LRRK1: variants seen among roughly 807,000 people sequenced by gnomAD.
LRRK1 encodes leucine rich repeat kinase 1, also known as leucine-rich repeat serine/threonine-protein kinase 1.
In LRRK1, 113 loss-of-function variants were observed where a neutral mutation model predicts 209.1. The observed-to-expected ratio is 0.54, with a 90% CI of 0.46 to 0.63. The LOEUF is 0.63. LRRK1 is among the 30% of genes least tolerant of loss of function. LRRK1 has a pLI of 0.00. For missense variants in LRRK1, 2,284 were observed against 2,632.2 expected, an observed-to-expected ratio of 0.87 and a Z score of 2.89; for synonymous variants, 1,144 against 1,099.7, an observed-to-expected ratio of 1.04 and a Z score of -0.80.
At chr15:100,941,238 G>GTCTC (rs2042396921) in intron 2 of LRRK1, among the ~76,000 whole-genome samples, 2 of 150,602 alleles carry the variant, frequency 1.3e-5, no homozygotes, top group Non-Finnish European at 3.0e-5. Context: ...GTGTGTCTGT[G>GTCTC]TGTGTCTGTC....
chr15:101,036,847 G>A (rs2034512213), intron 20 of LRRK1, among the ~76,000 whole-genome samples: 1 of 152,224 alleles, frequency 6.6e-6, no homozygotes, highest in African/African-American at 2.4e-5. Context: ...ATGCAGTAGT[G>A]TAATCTGTAT....
chr15:101,043,140 A>C lies in LRRK1; in HGVS notation c.2964-2841A>C, dbSNP rs371684205. Among the ~76,000 whole-genome samples the C allele has an allele frequency of 5.9e-5, 9 of 152,262 alleles. No homozygotes were observed. The South Asian group carries it at 1.7e-3, about 28-fold the overall frequency. ...TGTTGCCATGCAGCACCCAGAGAACACGTCGCCACTCTGCGTCCTCAGCTC... is the reference window on the plus strand; with the variant it reads ...TGTTGCCATGCAGCACCCAGAGAACCCGTCGCCACTCTGCGTCCTCAGCTC... On this transcript the variant is annotated intron_variant, in intron 20 of 33. Transcript: ENST00000388948.
chr15:101,015,509 T>C, intron 12 of LRRK1, 107 bp downstream of exon 12: 1 of 764,472 alleles, frequency 1.3e-6, no homozygotes, highest in African/African-American at 1.8e-5. Context: ...TCCCCTTCAA[T>C]GCCCTGTTGC....
In LRRK1 at chr15:100,989,143, T is replaced by C. The variant is rs764336710; in HGVS notation, c.614-107T>C. The C allele has an allele frequency of 3.1e-4, 306 of 991,680 alleles. 1 individual carries two copies. The highest frequency in any genetic ancestry group is 4.2e-4 in the Non-Finnish European group (276 of 652,284). 61.4% of individuals were successfully genotyped at this position (991,680 alleles called of 1,614,324 possible). ...GGGAAGTAAATAGAGAAGTCCAACA[T>C]GCACAAGTACCTTTTCAGTTTCCAT... On this transcript the variant is annotated intron_variant, in intron 5 of 33. Transcript: ENST00000388948.
At chr15:100,929,844 A>G (rs1477953561) in intron 2 of LRRK1, among the ~76,000 whole-genome samples, 1 of 152,186 alleles carries the variant, frequency 6.6e-6, no homozygotes, top group Non-Finnish European at 1.5e-5. Flanking sequence ...GGAATCTTTT[A>G]ATGAGTGAGG....
In LRRK1 at chr15:101,048,531, G is replaced by A. The variant is rs748456823; in HGVS notation, c.3173G>A (p.Arg1058Lys). The A allele has an allele frequency of 4.4e-6, 7 of 1,599,074 alleles. No homozygotes were observed. Among genetic ancestry groups the A allele is most frequent in the Non-Finnish European group, 5.1e-6 (6 of 1,175,492 alleles). Residue 1058 changes from arginine to lysine, a missense_variant, in exon 22 of 34, where the codon AGG becomes AAG. By Grantham distance (26) the Arg-to-Lys change is conservative. Around this residue, in one of 6 missense-constraint regions of LRRK1, gnomAD observed 780 missense variants for 985.2 expected, o/e 0.79. Transcript: ENST00000388948. ...AAGAAGAATACTAAAAGCAGGAACA[G>A]GAAAGTCACCATTTACAGTTTTACA... is the stretch of plus-strand genomic sequence containing the variant. Reference protein sequence around the residue: ...ENKKNTKSRNRKVTIYSFTGN... With the variant: ...ENKKNTKSRNKKVTIYSFTGN...
intron 2 of LRRK1, among the ~76,000 whole-genome samples, chr15:100,959,352 G>A (rs537317574): frequency 6.6e-6 from 1 of 152,326 alleles, no homozygotes; most frequent in South Asian, 2.1e-4. Context: ...AGAGCAGGAG[G>A]CTGGCAGACC....
chr15:100,998,969 C>T (rs868605724), intron 6 of LRRK1, among the ~76,000 whole-genome samples: 2 of 152,160 alleles, frequency 1.3e-5, no homozygotes, highest in Non-Finnish European at 1.5e-5. Flanking sequence ...TTTCTGTTTA[C>T]GTAGGGCCTC....
rs572974782 is a variant in LRRK1, at chr15:100,996,734, TCTC to T, written c.762+7337_762+7339del. On this transcript the variant is annotated intron_variant, in intron 6 of 33. Coordinates refer to ENST00000388948, the MANE Select transcript of LRRK1 (RefSeq NM_024652.6). ...AAGTGAAGGGGAACAGCGCGTGGCT[TCTC>T]AGTCCTGTGTTCATGTCGTCCTGCT... Among the ~76,000 whole-genome samples, 4 of 152,210 alleles carry T rather than the reference TCTC, an allele frequency of 2.6e-5. No homozygotes were observed. In the South Asian group the frequency reaches 8.3e-4, roughly 32 times the overall value.
intron 2 of LRRK1, among the ~76,000 whole-genome samples, chr15:100,941,358 G>GTGTGCCTGTATC (rs1567190837): frequency 0.016 from 2,305 of 142,044 alleles, 319 homozygotes; most frequent in African/African-American, 0.044. Context: ...TTGTGTGTGT[G>GTGTGCCTGTATC]TGTGTGTGCC....
At chr15:100,996,254 C>A (rs570000062) in intron 6 of LRRK1, among the ~76,000 whole-genome samples, 59 of 152,252 alleles carry the variant, frequency 3.9e-4, no homozygotes, top group African/African-American at 1.2e-3. Flanking sequence ...ACCGCCCTGG[C>A]GCCACATACC....
chr15:100,925,717 C>T (rs964194408), intron 2 of LRRK1, among the ~76,000 whole-genome samples: 2 of 152,278 alleles, frequency 1.3e-5, no homozygotes, highest in East Asian at 1.9e-4. Context: ...CAGAACTTTA[C>T]GAAATAATGT....
chr15:101,020,998 C>G, intron 12 of LRRK1, 55 bp from the exon 13 acceptor site: 1 of 1,606,700 alleles, frequency 6.2e-7, no homozygotes, highest in Non-Finnish European at 8.5e-7. Context: ...GGTCACCACG[C>G]TGTGACGGTC....
chr15:100,961,864 C>T (rs910628612), intron 2 of LRRK1, among the ~76,000 whole-genome samples: 6 of 152,102 alleles, frequency 3.9e-5, no homozygotes, highest in Admixed American at 1.3e-4. Context: ...GTCAAATGCA[C>T]GCAGGACACT....
chr15:100,943,424 C>T (rs2141613457), intron 2 of LRRK1, among the ~76,000 whole-genome samples: 1 of 152,266 alleles, frequency 6.6e-6, no homozygotes, highest in South Asian at 2.1e-4. Context: ...ACTGCCTTTA[C>T]AAAATAATGT....
At chr15:100,973,606 C>T (rs2031085075) in intron 2 of LRRK1, among the ~76,000 whole-genome samples, 198 bp from the exon 3 acceptor site, 1 of 152,190 alleles carries the variant, frequency 6.6e-6, no homozygotes, top group Non-Finnish European at 1.5e-5. Context: ...CGCCCGGTGC[C>T]TTCGCAGCGG....
At chr15:101,019,794 C>T (rs776169176) in intron 12 of LRRK1, among the ~76,000 whole-genome samples, 4 of 152,174 alleles carry the variant, frequency 2.6e-5, no homozygotes, top group Non-Finnish European at 5.9e-5. Context: ...CTGTCCTGCC[C>T]CCTCTCCAGG....
Position 101,027,162 on chromosome 15 carries a change from T to C in LRRK1, c.2406-99T>C. On this transcript the variant is annotated intron_variant, in intron 17 of 33. Coordinates refer to ENST00000388948, the MANE Select transcript of LRRK1 (RefSeq NM_024652.6). The surrounding 1 kb of genome is among the most constrained non-coding windows in gnomAD (Gnocchi z 5.1). ...GTTGTCTTTCACGAGTTCTCCAGAC[T>C]TGCCAGCGTTCAGGACAAACCTCTC... The C allele has an allele frequency of 6.8e-7, 1 of 1,472,178 alleles. No individual in the cohort carries two copies. Among genetic ancestry groups the C allele is most frequent in the Non-Finnish European group, 9.2e-7 (1 of 1,084,936 alleles). The allele number at this position is 1,472,178 out of a possible 1,614,324, so 91.2% of individuals were successfully genotyped here.
intron 2 of LRRK1, among the ~76,000 whole-genome samples, chr15:100,957,227 G>A (rs1469631540): frequency 2.0e-5 from 3 of 152,010 alleles, no homozygotes; most frequent in Non-Finnish European, 4.4e-5. Flanking sequence ...ACATTTCTTG[G>A]GGAATGTCCC....
Sources: allele counts gnomAD v4.1 joint callset (sites outside exome capture counted in the v4.1 genomes callset), GRCh38; gene constraint gnomAD v4.1.1; regional missense constraint gnomAD v4.1.1; non-coding constraint Gnocchi (gnomAD v3.1); transcripts MANE v1.5; gene names NCBI Gene and HGNC (gene_info 2026-07-23, HGNC 2026-07-21).